The following LPIN3 variants were observed in gnomAD, a reference collection of about 807,000 sequenced individuals.
The protein encoded by LPIN3 is phosphatidate phosphatase LPIN3.
In LPIN3, 82 loss-of-function variants were observed where a neutral mutation model predicts 94.7. That is an observed-to-expected ratio of 0.87 (90% CI 0.72 to 1.04). LPIN3 has a LOEUF of 1.04. Ranked by LOEUF, LPIN3 falls within the 50% of genes least tolerant of loss-of-function variation. LPIN3 has a pLI of 0.00. For missense variants in LPIN3, 996 were observed against 1,090.5 expected (o/e 0.91, Z 1.22); for synonymous variants, 418 against 443.3 (o/e 0.94, Z 0.72).
chr20:41,350,637 C>T (rs1333036702), intron 7 of LPIN3, among the ~76,000 whole-genome samples: 1 of 152,010 alleles, frequency 6.6e-6, no homozygotes. Context: ...AGAGAAGGCC[C>T]CTCCGAGAAG....
rs1227374464 is a variant in LPIN3 at position 41,357,971 on chromosome 20, G to A, written c.2129G>A (p.Gly710Asp). 6.2e-7 allele frequency: 1 copy of A among 1,613,004 alleles called. No homozygotes were observed. Among genetic ancestry groups the A allele is most frequent in the African/African-American group, 1.3e-5 (1 of 74,908 alleles). The change falls in exon 17 of 20, where the codon GGC becomes GAC. Residue 710 changes from glycine (G) to aspartate (D), a missense_variant. By Grantham distance (94) the Gly-to-Asp change is moderately conservative. Transcript: ENST00000373257. The part of the protein sequence containing the change: ...KGYLQWVSEG[G>D]CSLPKGPILL... The stretch of plus-strand genomic sequence containing the variant: ...TACCTGCAGTGGGTGAGCGAGGGGG[G>A]CTGTAGCCTCCCCAAGGGCCCCATC...
At position 41,347,647 on chromosome 20, in the gene LPIN3, T is replaced by C. The variant is rs1175082103; in HGVS notation, c.288T>C (p.Asp96=). The C allele has an allele frequency of 4.3e-6, 7 of 1,612,780 alleles. No homozygotes were observed. The highest frequency in any genetic ancestry group is 5.9e-6 in the Non-Finnish European group (7 of 1,179,222). Residue 96 remains aspartate, a splice_region_variant and synonymous_variant, in exon 3 of 20, where the codon GAT becomes GAC. Coordinates refer to ENST00000373257, the MANE Select transcript of LPIN3 (RefSeq NM_022896.3). The part of the protein sequence containing the change: ...AFFVQELESD[D]EHVPPGLCTS... ...TTGTTCAGGAGCTGGAGAGCGATGATGTGAGTCTGCCCTCCTAACAGCACC... is the reference window on the plus strand; with the variant it reads ...TTGTTCAGGAGCTGGAGAGCGATGACGTGAGTCTGCCCTCCTAACAGCACC...
At position 41,341,112 on chromosome 20, in the gene LPIN3, CT is replaced by C. The variant is rs2045561919; in HGVS notation, c.-9+111del. 2 of 152,292 alleles carry C rather than the reference CT, an allele frequency of 1.3e-5. 1 individual carries two copies. Among genetic ancestry groups the C allele is most frequent in the South Asian group, 4.1e-4 (2 of 4,824 alleles). The allele number at this position is 152,292 out of a possible 1,614,324, so 9.4% of individuals were successfully genotyped here. On this transcript the variant is annotated intron_variant, in intron 1 of 19. Transcript: ENST00000373257. Reference sequence around the variant, plus strand: ...CCTGTCCGCGGGCCTGGGTCCACCCCTAGCTGTAAGATGGGGACGCAGGGGT... The same window carrying C: ...CCTGTCCGCGGGCCTGGGTCCACCCCAGCTGTAAGATGGGGACGCAGGGGT...
intron 9 of LPIN3, 31 bp from the exon 10 acceptor site, chr20:41,352,575 G>T: frequency 6.3e-7 from 1 of 1,580,318 alleles, no homozygotes; most frequent in African/African-American, 1.3e-5. Context: ...GGATGTGCCA[G>T]CCTCACCCCT....
rs780768723 is a variant in LPIN3 at position 41,348,634 on chromosome 20, G to A, written c.304G>A (p.Gly102Ser). ...LESDDEHVPP[G>S]LCTSPIPWGG... ...TGTTCCACAGGAACATGTGCCTCCC[G>A]GCCTGTGCACCTCACCCATCCCTTG... Residue 102 changes from glycine (G) to serine (S), a missense_variant, in exon 4 of 20, where the codon GGC (glycine) becomes AGC (serine). Coordinates refer to ENST00000373257, the MANE Select transcript of LPIN3 (RefSeq NM_022896.3). The A allele has an allele frequency of 2.5e-5, 41 of 1,611,140 alleles. No homozygotes were observed. Among genetic ancestry groups the A allele is most frequent in the Admixed American group, 2.2e-4 (13 of 59,918 alleles).
chr20:41,343,451 C>A (rs1472662697), intron 1 of LPIN3, among the ~76,000 whole-genome samples: 2 of 152,248 alleles, frequency 1.3e-5, no homozygotes, highest in Non-Finnish European at 2.9e-5. Flanking sequence ...CCATCTAGCA[C>A]ATGGCAGGTG....
intron 1 of LPIN3, among the ~76,000 whole-genome samples, chr20:41,341,341 C>A (rs1381934283): frequency 6.6e-6 from 1 of 152,222 alleles, no homozygotes; most frequent in Non-Finnish European, 1.5e-5. Flanking sequence ...AAAACAGTGA[C>A]TGGCCCTTGC....
At chr20:41,344,729 G>A (rs755930495) in intron 1 of LPIN3, among the ~76,000 whole-genome samples, 1 of 152,206 alleles carries the variant, frequency 6.6e-6, no homozygotes, top group Non-Finnish European at 1.5e-5. Flanking sequence ...TGGAGAGACC[G>A]GTCTGGCTGG....
rs370587902 is a variant in LPIN3, at chr20:41,345,996, G to A, written c.192+1G>A. On this transcript the variant is annotated splice_donor_variant, in intron 2 of 19. Coordinates refer to ENST00000373257, the MANE Select transcript of LPIN3 (RefSeq NM_022896.3). LOFTEE classifies it high-confidence loss of function. The stretch of plus-strand genomic sequence containing the variant: ...CGTCCTGCGGTCGCGGGAGAAGGTG[G>A]TGAGTGCTCAGGCTGGCTGAGGTGG... 2 of 1,612,626 alleles carry A rather than the reference G, an allele frequency of 1.2e-6. No homozygotes were observed. The highest frequency in any genetic ancestry group is 1.7e-6 in the Non-Finnish European group (2 of 1,179,284).
chr20:41,355,851 C>A, intron 13 of LPIN3, 45 bp from the exon 14 acceptor site: 1 of 1,607,926 alleles, frequency 6.2e-7, no homozygotes, highest in Non-Finnish European at 8.5e-7. Flanking sequence ...GGAGTGAAGG[C>A]CCTTTGGCTG....
Position 41,350,074 on chromosome 20 carries a change from C to T in LPIN3, c.779C>T (p.Pro260Leu). 2 of 1,603,124 alleles carry T rather than the reference C, an allele frequency of 1.2e-6. No individual in the cohort carries two copies. The highest frequency in any genetic ancestry group is 1.7e-6 in the Non-Finnish European group (2 of 1,173,988). Residue 260 changes from proline (P) to leucine (L), a missense_variant, in exon 7 of 20, where the codon CCC (proline) becomes CTC (leucine). Physicochemically the swap from Pro to Leu is moderately conservative, Grantham distance 98. Coordinates refer to ENST00000373257, the MANE Select transcript of LPIN3 (RefSeq NM_022896.3). Reference sequence around the variant, plus strand: ...CTAAAGGTGGCCAGAGCTGAGCGGCCCGAGTCCTCAGTGGTCCTTGAAGGC... The same window carrying T: ...CTAAAGGTGGCCAGAGCTGAGCGGCTCGAGTCCTCAGTGGTCCTTGAAGGC... ...RLPKVARAER[P>L]ESSVVLEGRA...
chr20:41,356,691 G>A (rs2046219782), intron 14 of LPIN3, among the ~76,000 whole-genome samples: 1 of 152,186 alleles, frequency 6.6e-6, no homozygotes, highest in East Asian at 1.9e-4. Context: ...CCCCATCTAT[G>A]GAGGGGGGTG....
intron 19 of LPIN3, 46 bp from the exon 20 acceptor site, chr20:41,358,676 G>C (rs543066129): frequency 6.2e-7 from 1 of 1,608,358 alleles, no homozygotes; most frequent in Non-Finnish European, 8.5e-7. Context: ...CAAGGCCATC[G>C]TTTGGTGGCA....
chr20:41,357,994 A>C lies in LPIN3; in HGVS notation c.2152A>C (p.Ile718Leu). 6.2e-7 allele frequency: 1 copy of C among 1,611,658 alleles called. No homozygotes were observed. The highest frequency in any genetic ancestry group is 8.5e-7 in the Non-Finnish European group (1 of 1,178,998). ...GGGCTGTAGCCTCCCCAAGGGCCCC[A>C]TCCTTCTGTCTCCCAGCAGCCTCTT... ...EGGCSLPKGPILLSPSSLFSA... is the reference protein window; with the variant it reads ...EGGCSLPKGPLLLSPSSLFSA... Residue 718 changes from isoleucine (I) to leucine (L), a missense_variant, in exon 17 of 20, where the codon ATC (isoleucine) becomes CTC (leucine). Physicochemically the swap from Ile to Leu is conservative, Grantham distance 5. Coordinates refer to ENST00000373257, the MANE Select transcript of LPIN3 (RefSeq NM_022896.3).
intron 13 of LPIN3, 54 bp downstream of exon 13, chr20:41,354,917 C>T (rs1396204250): frequency 6.5e-7 from 1 of 1,532,590 alleles, no homozygotes; most frequent in Non-Finnish European, 8.8e-7. Context: ...AAAGATGGCC[C>T]TGGGTGCAGG....
Position 41,358,932 on chromosome 20 carries a change from G to A in LPIN3, c.*66G>A, listed in dbSNP as rs1274226862. 1.3e-6 allele frequency: 2 copies of A among 1,575,094 alleles called. No homozygotes were observed. Among genetic ancestry groups the A allele is most frequent in the African/African-American group, 2.7e-5 (2 of 73,882 alleles). ...ACTGGCTAGGTGTCCTGGGGTATAG[G>A]AGGGTGGGAATTGGAGTGTCATGGG... On this transcript the variant is annotated 3_prime_UTR_variant, in exon 20 of 20. Coordinates refer to ENST00000373257, the MANE Select transcript of LPIN3 (RefSeq NM_022896.3).
chr20:41,358,208 C>T, intron 17 of LPIN3, 29 bp from the exon 18 acceptor site: 4 of 1,610,000 alleles, frequency 2.5e-6, no homozygotes, highest in Non-Finnish European at 3.4e-6. Context: ...CTTTGGCCCC[C>T]TTCCCTGCTG....
chr20:41,360,380 C>T lies in LPIN3; in HGVS notation c.*1514C>T, dbSNP rs2046345137. On this transcript the variant is annotated 3_prime_UTR_variant, in exon 20 of 20. Transcript: ENST00000373257. ...CCCTGACCTCGCAGGAAGGATTTCC[C>T]CACCCCCAAGTGGAAGGAAGAGGAC... The T allele has an allele frequency of 6.6e-6, 1 of 152,306 alleles. No individual in the cohort carries two copies. The highest frequency in any genetic ancestry group is 6.5e-5 in the Admixed American group (1 of 15,274). The allele number at this position is 152,306 out of a possible 1,614,324, so 9.4% of individuals were successfully genotyped here. A position where few individuals can be genotyped will look rare whatever the true frequency, so the allele number is the denominator to read the frequency against.
At position 41,354,805 on chromosome 20, in the gene LPIN3, A is replaced by T; in HGVS notation, c.1621-15A>T. 2 of 1,611,154 alleles carry T rather than the reference A, an allele frequency of 1.2e-6. No homozygotes were observed. Among genetic ancestry groups the T allele is most frequent in the East Asian group, 4.5e-5 (2 of 44,794 alleles). ...GGCGGGAGGTGGGATTCACTAATGG[A>T]TGTTCTTTCCACAGCGCAGTGCCCA... On this transcript the variant is annotated splice_polypyrimidine_tract_variant and intron_variant, in intron 12 of 19. Transcript: ENST00000373257.
Sources: gnomAD v4.1 joint callset for allele counts (sites outside exome capture counted in the v4.1 genomes callset) on GRCh38, gnomAD v4.1.1 for gene constraint, MANE v1.5 for transcripts, NCBI Gene and HGNC (gene_info 2026-07-23, HGNC 2026-07-21) for gene names.